The following MDGA2 variants were observed in gnomAD, a reference collection of about 807,000 sequenced individuals.
MDGA2 encodes the protein MAM domain containing glycosylphosphatidylinositol anchor 2.
Under a neutral mutation model 117.8 loss-of-function variants are expected in MDGA2, and 40 were observed. The observed-to-expected ratio is 0.34, with a 90% CI of 0.26 to 0.44. MDGA2 has a LOEUF of 0.44. MDGA2 is among the 20% of genes least tolerant of loss of function. The pLI, the probability that MDGA2 is intolerant of heterozygous loss-of-function variation, is 1.00. For missense variants in MDGA2, 1,123 were observed against 1,250.6 expected, an observed-to-expected ratio of 0.90 and a Z score of 1.54; for synonymous variants, 452 against 439.0, an observed-to-expected ratio of 1.03 and a Z score of -0.37.
At chr14:47,670,077 C>T (rs545189926) in intron 1 of MDGA2, among the ~76,000 whole-genome samples, 1 of 152,304 alleles carries the variant, frequency 6.6e-6, no homozygotes, top group South Asian at 2.1e-4. Flanking sequence ...TTCTGTCCAG[C>T]TACTGCCTGG....
chr14:47,221,730 A>G (rs1293353396), intron 2 of MDGA2, among the ~76,000 whole-genome samples: 1 of 150,020 alleles, frequency 6.7e-6, no homozygotes, highest in African/African-American at 2.4e-5. Flanking sequence ...AGTGGAAAAA[A>G]TAGAAACTTG....
At chr14:47,613,804 C>T (rs115413548) in intron 1 of MDGA2, among the ~76,000 whole-genome samples, 1 of 152,024 alleles carries the variant, frequency 6.6e-6, no homozygotes, top group African/African-American at 2.4e-5. Context: ...AAAATAAACC[C>T]CCATTCACTT....
At chr14:46,917,496 G>A (rs1181232649) in intron 10 of MDGA2, among the ~76,000 whole-genome samples, 1 of 152,036 alleles carries the variant, frequency 6.6e-6, no homozygotes, top group African/African-American at 2.4e-5. Context: ...TCAGAAACAT[G>A]CTCAAGGTTA....
intron 3 of MDGA2, among the ~76,000 whole-genome samples, chr14:47,176,686 A>G (rs1884465239): frequency 6.6e-6 from 1 of 152,212 alleles, no homozygotes; most frequent in Non-Finnish European, 1.5e-5. Flanking sequence ...TAGACCTAAA[A>G]CCATAAAAAC....
intron 10 of MDGA2, among the ~76,000 whole-genome samples, chr14:46,887,775 T>C (rs1882728780): frequency 6.6e-6 from 1 of 151,876 alleles, no homozygotes; most frequent in Non-Finnish European, 1.5e-5. Context: ...TAGATTTATA[T>C]ATATATGAAC....
At chr14:46,882,339 GTAT>G (rs1356414821) in intron 10 of MDGA2, 118 bp from the exon 11 acceptor site, 1 of 785,462 alleles carries the variant, frequency 1.3e-6, no homozygotes, top group Non-Finnish European at 1.9e-6. Flanking sequence ...TAATGAATAC[GTAT>G]TATTAAAGTT....
At chr14:47,284,432 C>T (rs558156576) in intron 2 of MDGA2, among the ~76,000 whole-genome samples, 1 of 152,138 alleles carries the variant, frequency 6.6e-6, no homozygotes. Flanking sequence ...TATTTGAGAA[C>T]TGTGTGAGAG....
intron 1 of MDGA2, among the ~76,000 whole-genome samples, chr14:47,412,761 A>G (rs1330919823): frequency 6.6e-6 from 1 of 152,160 alleles, no homozygotes; most frequent in East Asian, 1.9e-4. Flanking sequence ...AAAGAGCCTC[A>G]TGGTTTTCAG....
At chr14:47,599,249 A>C (rs1282287464) in intron 1 of MDGA2, among the ~76,000 whole-genome samples, 3 of 152,074 alleles carry the variant, frequency 2.0e-5, no homozygotes, top group Non-Finnish European at 4.4e-5. Context: ...CATCTAAAAC[A>C]TAACTACATA....
intron 6 of MDGA2, among the ~76,000 whole-genome samples, chr14:47,075,745 A>G (rs558695568): frequency 9.4e-4 from 143 of 152,270 alleles, no homozygotes; most frequent in Non-Finnish European, 1.7e-3. Flanking sequence ...GGTAAAGGCT[A>G]TATATGAGAG....
chr14:47,141,953 A>T (rs1882738679), intron 4 of MDGA2, among the ~76,000 whole-genome samples: 1 of 152,252 alleles, frequency 6.6e-6, no homozygotes, highest in African/African-American at 2.4e-5. Context: ...TACAATGTGT[A>T]GACATGTATC....
At chr14:46,858,297 T>C (rs1374505030) in intron 14 of MDGA2, among the ~76,000 whole-genome samples, 1 of 151,696 alleles carries the variant, frequency 6.6e-6, no homozygotes, top group Non-Finnish European at 1.5e-5. Flanking sequence ...TTTAGTATAG[T>C]TTCTCTTTCT....
At chr14:47,106,801 G>A (rs916548272) in intron 5 of MDGA2, among the ~76,000 whole-genome samples, 2 of 143,786 alleles carry the variant, frequency 1.4e-5, no homozygotes, top group African/African-American at 2.6e-5. Flanking sequence ...TCAAGGGCCC[G>A]TTTCCCTTGC....
intron 9 of MDGA2, among the ~76,000 whole-genome samples, chr14:46,940,673 CT>C (rs1884966319): frequency 6.6e-6 from 1 of 150,690 alleles, no homozygotes; most frequent in Non-Finnish European, 1.5e-5. Flanking sequence ...ATCTAAAAGC[CT>C]TGTATTCATT....
intron 14 of MDGA2, among the ~76,000 whole-genome samples, chr14:46,868,018 T>G (rs1881846608): frequency 6.6e-6 from 1 of 152,028 alleles, no homozygotes; most frequent in African/African-American, 2.4e-5. Context: ...TGTTTTGTTA[T>G]TCTAGTATAT....
intron 4 of MDGA2, among the ~76,000 whole-genome samples, chr14:47,143,355 C>T (rs1668802598): frequency 6.6e-6 from 1 of 152,028 alleles, no homozygotes; most frequent in Admixed American, 6.6e-5. Context: ...TTATTTAAAA[C>T]TTTTTCATTG....
At chr14:47,135,333 T>C (rs1370417585) in intron 4 of MDGA2, among the ~76,000 whole-genome samples, 1 of 152,080 alleles carries the variant, frequency 6.6e-6, no homozygotes, top group African/African-American at 2.4e-5. Flanking sequence ...ATTATCATGG[T>C]TCCAATGAGC....
chr14:47,357,169 C>G (rs1356649376), intron 1 of MDGA2, among the ~76,000 whole-genome samples: 2 of 152,134 alleles, frequency 1.3e-5, no homozygotes, highest in Non-Finnish European at 2.9e-5. Flanking sequence ...ATACCTAGGA[C>G]AGTGCACTGA....
At chr14:47,059,074 G>C (rs182744129) in intron 7 of MDGA2, 3 of 1,026,558 alleles carry the variant, frequency 2.9e-6, no homozygotes, top group East Asian at 9.8e-5. Flanking sequence ...ATTACAATAA[G>C]GGCAGTAAGA....
Sources: allele counts gnomAD v4.1 joint callset (sites outside exome capture counted in the v4.1 genomes callset), GRCh38; gene constraint gnomAD v4.1.1; transcripts MANE v1.5; gene names NCBI Gene and HGNC (gene_info 2026-07-23, HGNC 2026-07-21).